The following FASTKD1 variants were observed in gnomAD, a reference collection of about 807,000 sequenced individuals.
FASTKD1 encodes FAST kinase domain-containing protein 1, mitochondrial.
A neutral mutation model predicts 90.9 loss-of-function variants in FASTKD1; 94 were observed. The ratio of observed to expected loss-of-function variants is 1.03; its 90% CI spans 0.88 to 1.23. The LOEUF is 1.23. FASTKD1 is among the 50% of genes most tolerant of loss of function. FASTKD1 has a pLI of 0.00. For synonymous variants in FASTKD1, 319 were observed against 345.8 expected (o/e 0.92, Z 0.86); for missense variants, 945 against 993.5 (o/e 0.95, Z 0.66).
chr2:169,569,897 A>T (rs777595831), intron 2 of FASTKD1, among the ~76,000 whole-genome samples: 11 of 152,020 alleles, frequency 7.2e-5, no homozygotes, highest in Non-Finnish European at 1.0e-4. Flanking sequence ...TTTGTAAAAA[A>T]ATTAAAAAGC....
At position 169,531,259 on chromosome 2, in the gene FASTKD1, C is replaced by A; in HGVS notation, c.2327+93G>T. 4 of 1,307,492 alleles carry A rather than the reference C, an allele frequency of 3.1e-6. No individual in the cohort carries two copies. The South Asian group carries it at 4.8e-5, about 16-fold the overall frequency. 81.0% of individuals were successfully genotyped at this position (1,307,492 alleles called of 1,614,324 possible). A position where few individuals can be genotyped will look rare whatever the true frequency, so the allele number is the denominator to read the frequency against. ...TGCATGACATATGAGGAACAGATTC[C>A]ACTACCTTCAATCCTTGATCACTGA... On this transcript the variant is annotated intron_variant, in intron 13 of 14. Transcript: ENST00000453153.
rs11893622 is a variant in FASTKD1 at position 169,554,779 on chromosome 2, C to A, written c.1214+345G>T. Among the ~76,000 whole-genome samples the A allele has an allele frequency of 2.4e-3, 363 of 152,258 alleles. 2 individuals are homozygous for A. The highest frequency in any genetic ancestry group is 8.3e-3 in the African/African-American group (343 of 41,526). ...GGCATGAATGCAAGACCGAAAGGCC[C>A]TAAATATGAATGCTCCCAAATGGAG... On this transcript the variant is annotated intron_variant, in intron 7 of 14. Coordinates refer to ENST00000453153, the MANE Select transcript of FASTKD1 (RefSeq NM_024622.6).
chr2:169,553,829 G>A (rs1327575918), intron 7 of FASTKD1, among the ~76,000 whole-genome samples: 1 of 152,162 alleles, frequency 6.6e-6, no homozygotes, highest in African/African-American at 2.4e-5. Context: ...GGCTGAGGCA[G>A]GAGAATGGCG....
intron 6 of FASTKD1, among the ~76,000 whole-genome samples, 193 bp downstream of exon 6, chr2:169,556,994 G>T (rs1036801332): frequency 7.0e-6 from 1 of 142,198 alleles, no homozygotes; most frequent in Non-Finnish European, 1.5e-5. Context: ...GCAACAGAGT[G>T]AGACTCTGTC....
chr2:169,537,547 G>A (rs546603187), intron 11 of FASTKD1, among the ~76,000 whole-genome samples: 52 of 152,118 alleles, frequency 3.4e-4, no homozygotes, highest in African/African-American at 1.1e-3. Context: ...ACCACGCCCA[G>A]CTAATTTTGT....
chr2:169,570,613 C>A (rs895806978), intron 2 of FASTKD1, among the ~76,000 whole-genome samples: 1 of 151,582 alleles, frequency 6.6e-6, no homozygotes, highest in Admixed American at 6.6e-5. Context: ...ATTACAATAA[C>A]GAGATTGCAA....
Position 169,557,261 on chromosome 2 carries a change from TA to T in FASTKD1, c.1007del (p.Leu336GlnfsTer23). 1 of 1,612,144 alleles carries T rather than the reference TA, an allele frequency of 6.2e-7. No individual in the cohort carries two copies. The highest frequency in any genetic ancestry group is 1.7e-5 in the Admixed American group (1 of 59,716). ...ACACTGCCAGGGCTTGCTCGCCAGT[TA>T]GGTCCTCTGACATCAATAACATAGT... ...KSTMLLMSED[L>X]TGEQALAVLG... On this transcript the variant is annotated frameshift_variant, in exon 6 of 15. Coordinates refer to ENST00000453153, the MANE Select transcript of FASTKD1 (RefSeq NM_024622.6). LOFTEE classifies it high-confidence loss of function.
chr2:169,572,540 CAT>C (rs767875712), intron 1 of FASTKD1, among the ~76,000 whole-genome samples: 5 of 125,184 alleles, frequency 4.0e-5, no homozygotes, highest in Non-Finnish European at 8.2e-5. Context: ...TTTATACATA[CAT>C]ATATATATAC....
At chr2:169,536,808 A>T (rs1047556538) in intron 12 of FASTKD1, among the ~76,000 whole-genome samples, 3 of 152,324 alleles carry the variant, frequency 2.0e-5, no homozygotes, top group East Asian at 1.9e-4. Context: ...ATCTTTGGAA[A>T]TCTTTATCCA....
At chr2:169,551,323 C>T (rs1685479988) in intron 7 of FASTKD1, among the ~76,000 whole-genome samples, 1 of 152,108 alleles carries the variant, frequency 6.6e-6, no homozygotes, top group African/African-American at 2.4e-5. Context: ...AAAAAATATA[C>T]ATGAATTTGT....
intron 4 of FASTKD1, 54 bp from the exon 5 acceptor site, chr2:169,560,839 CTTTTTT>C (rs1204635514): frequency 5.5e-4 from 136 of 246,210 alleles, no homozygotes; most frequent in Middle Eastern, 1.6e-3. Flanking sequence ...ATGATCAATT[CTTTTTT>C]TTTTTTTTTT....
At chr2:169,542,148 T>C (rs1005587532) in intron 9 of FASTKD1, among the ~76,000 whole-genome samples, 7 of 152,214 alleles carry the variant, frequency 4.6e-5, no homozygotes, top group African/African-American at 1.7e-4. Context: ...TATCACCATC[T>C]GACCTTAGAG....
chr2:169,531,712 A>G (rs1387470057), intron 12 of FASTKD1: 3 of 466,376 alleles, frequency 6.4e-6, no homozygotes, highest in Non-Finnish European at 1.1e-5. Flanking sequence ...AAGAATTACA[A>G]AACAATATTA....
At chr2:169,570,975 T>G (rs1684207292) in intron 2 of FASTKD1, 2 of 152,168 alleles carry the variant, frequency 1.3e-5, no homozygotes. Context: ...CACACCCGAC[T>G]GGCATTAATC....
chr2:169,558,233 C>A (rs1384919228), intron 5 of FASTKD1, among the ~76,000 whole-genome samples: 1 of 152,106 alleles, frequency 6.6e-6, no homozygotes, highest in South Asian at 2.1e-4. Flanking sequence ...TGACAAAAAA[C>A]GGTTCCAATA....
intron 5 of FASTKD1, among the ~76,000 whole-genome samples, chr2:169,559,036 G>A (rs1014418101): frequency 1.9e-4 from 28 of 149,984 alleles, no homozygotes; most frequent in Non-Finnish European, 3.5e-4. Context: ...GTGTAATGGC[G>A]CGATCTTGGC....
At chr2:169,542,260 A>T (rs184664046) in intron 9 of FASTKD1, among the ~76,000 whole-genome samples, 3 of 152,312 alleles carry the variant, frequency 2.0e-5, no homozygotes, top group Admixed American at 6.5e-5. Flanking sequence ...CGCCTAGAAG[A>T]ATACCTGACA....
chr2:169,538,390 C>T (rs1366369792), intron 10 of FASTKD1, among the ~76,000 whole-genome samples: 2 of 152,006 alleles, frequency 1.3e-5, no homozygotes, highest in East Asian at 3.9e-4. Flanking sequence ...TTAAAAAATA[C>T]TCCCAGCAGG....
Position 169,557,861 on chromosome 2 carries a change from G to T in FASTKD1, c.972-564C>A, listed in dbSNP as rs74987431. 3.2e-3 allele frequency among the ~76,000 whole-genome samples: 490 copies of T among 152,262 alleles called. 6 individuals are homozygous for T. Among genetic ancestry groups the T allele is most frequent in the African/African-American group, 0.011 (468 of 41,570 alleles). On this transcript the variant is annotated intron_variant, in intron 5 of 14. Transcript: ENST00000453153. The stretch of plus-strand genomic sequence containing the variant: ...AGTAATGTTAAGTACCATGATACGT[G>T]TATTTTTTAGAATCATTTAGAAAGC...
Sources: allele counts gnomAD v4.1 joint callset (sites outside exome capture counted in the v4.1 genomes callset), GRCh38; gene constraint gnomAD v4.1.1; transcripts MANE v1.5; gene names NCBI Gene and HGNC (gene_info 2026-07-23, HGNC 2026-07-21).